Variants in FCGR2A observed in about 807,000 individuals in gnomAD.
FCGR2A encodes the protein Fc gamma receptor IIa, also known as low affinity immunoglobulin gamma Fc region receptor II-a.
Under a neutral mutation model 29.3 loss-of-function variants are expected in FCGR2A, and 18 were observed. The ratio of observed to expected loss-of-function variants is 0.62; its 90% CI spans 0.43 to 0.91. The LOEUF (loss-of-function observed/expected upper bound fraction) is 0.91. Ranked by LOEUF, FCGR2A falls within the 40% of genes least tolerant of loss-of-function variation. The pLI, the probability that FCGR2A is intolerant of heterozygous loss-of-function variation, is 0.00. For missense variants in FCGR2A, 287 were observed against 393.0 expected (o/e 0.73, Z 2.28); for synonymous variants, 126 against 144.8 (o/e 0.87, Z 0.93).
downstream of FCGR2A, chr1:161,523,863 C>T (rs538197518): frequency 2.0e-5 from 3 of 152,014 alleles, no homozygotes; most frequent in Admixed American, 6.6e-5. Flanking sequence ...GGCCGGGAAT[C>T]GAACCCGGGC....
At chr1:161,522,209 TAAAA>T (rs892456392), downstream of FCGR2A, among the ~76,000 whole-genome samples, 1 of 151,398 alleles carries the variant, frequency 6.6e-6, no homozygotes, top group African/African-American at 2.4e-5. Flanking sequence ...AAAAATAAAA[TAAAA>T]AGAAACAAAC....
intron 3 of FCGR2A, among the ~76,000 whole-genome samples, chr1:161,509,368 G>A (rs1675614860): frequency 6.7e-6 from 1 of 150,268 alleles, no homozygotes; most frequent in Admixed American, 6.6e-5. Flanking sequence ...ACCAGCAACA[G>A]CATGTGGAAA....
Position 161,506,485 on chromosome 1 carries a change from G to A in FCGR2A, c.258G>A (p.Thr86=), listed in dbSNP as rs766845808. The change falls in exon 3 of 7, where the codon ACG becomes ACA. Residue 86 remains threonine (T), a synonymous_variant. Coordinates refer to ENST00000271450, the MANE Select transcript of FCGR2A (RefSeq NM_001136219.3). Reference sequence around the variant, plus strand: ...ATGGGAATCTCATTCCCACCCACACGCAGCCCAGCTACAGGTTCAAGGCCA... The same window carrying A: ...ATGGGAATCTCATTCCCACCCACACACAGCCCAGCTACAGGTTCAAGGCCA... The part of the protein sequence containing the change: ...FHNGNLIPTH[T]QPSYRFKANN... The A allele has an allele frequency of 5.6e-6, 9 of 1,614,144 alleles. No individual in the cohort carries two copies. In the Admixed American group the frequency reaches 6.7e-5, roughly 12 times the overall value.
chr1:161,509,701 C>T, intron 3 of FCGR2A, 119 bp from the exon 4 acceptor site: 1 of 1,298,388 alleles, frequency 7.7e-7, no homozygotes, highest in Non-Finnish European at 1.1e-6. Flanking sequence ...TGTCATGAAG[C>T]ATCTTCATTT....
At chr1:161,511,128 G>T (rs1238811380) in intron 5 of FCGR2A, among the ~76,000 whole-genome samples, 172 bp downstream of exon 5, 5 of 152,212 alleles carry the variant, frequency 3.3e-5, no homozygotes, top group African/African-American at 1.2e-4. Context: ...ACTAATAGGA[G>T]TCACCTCACA....
chr1:161,508,241 G>C (rs1490210269), intron 3 of FCGR2A, among the ~76,000 whole-genome samples: 1 of 151,880 alleles, frequency 6.6e-6, no homozygotes, highest in Non-Finnish European at 1.5e-5. Flanking sequence ...CCTGACTTTA[G>C]TTTCTGTTTT....
At position 161,505,571 on chromosome 1, in the gene FCGR2A, G is replaced by C; in HGVS notation, c.85+19G>C. 2 of 1,599,520 alleles carry C rather than the reference G, an allele frequency of 1.3e-6. No individual in the cohort carries two copies. Among genetic ancestry groups the C allele is most frequent in the Non-Finnish European group, 1.7e-6 (2 of 1,166,756 alleles). On this transcript the variant is annotated intron_variant, in intron 1 of 6. Coordinates refer to ENST00000271450, the MANE Select transcript of FCGR2A (RefSeq NM_001136219.3). ...CTGCTGGGTGAGTGAGGGTCATTCTGAAATGGGGCAATTTCAGACACTCCT... is the reference window on the plus strand; with the variant it reads ...CTGCTGGGTGAGTGAGGGTCATTCTCAAATGGGGCAATTTCAGACACTCCT...
chr1:161,523,989 G>C (rs770889809), downstream of FCGR2A: 4 of 155,222 alleles, frequency 2.6e-5, no homozygotes, highest in African/African-American at 9.7e-5. Context: ...AAGGAACCAG[G>C]CACCGTCTTA....
downstream of FCGR2A, among the ~76,000 whole-genome samples, chr1:161,522,641 A>G (rs1676499563): frequency 6.6e-6 from 1 of 152,100 alleles, no homozygotes; most frequent in African/African-American, 2.4e-5. Flanking sequence ...AGACCCTGAG[A>G]GTGAGTGAAT....
chr1:161,523,826 T>C (rs961925059), downstream of FCGR2A: 8 of 149,880 alleles, frequency 5.3e-5, no homozygotes, highest in African/African-American at 1.7e-4. Flanking sequence ...AGAATTGAAA[T>C]GGATCGGAAA....
In FCGR2A at chr1:161,519,559, A is replaced by G. The variant is rs1204192014; in HGVS notation, c.*1411A>G. 1.3e-5 allele frequency: 2 copies of G among 152,116 alleles called. No homozygotes were observed. Among genetic ancestry groups the G allele is most frequent in the Admixed American group, 6.6e-5 (1 of 15,252 alleles). 9.4% of individuals were successfully genotyped at this position (152,116 alleles called of 1,614,324 possible). ...TATATTACCTTTGTAATAAAACATTATAACCAAAACATTCTGTTTACCTTT... is the reference window on the plus strand; with the variant it reads ...TATATTACCTTTGTAATAAAACATTGTAACCAAAACATTCTGTTTACCTTT... On this transcript the variant is annotated 3_prime_UTR_variant, in exon 7 of 7. Transcript: ENST00000271450.
chr1:161,514,039 A>G, intron 6 of FCGR2A, 107 bp downstream of exon 6: 1 of 1,532,062 alleles, frequency 6.5e-7, no homozygotes, highest in Non-Finnish European at 9.0e-7. Flanking sequence ...ACTGGGCCTG[A>G]AAACTCCTGA....
At chr1:161,522,587 C>T (rs1416763893), downstream of FCGR2A, among the ~76,000 whole-genome samples, 1 of 152,058 alleles carries the variant, frequency 6.6e-6, no homozygotes, top group African/African-American at 2.4e-5. Context: ...TCTTGCAGGC[C>T]GTTGGCAAAT....
chr1:161,510,277 G>A, intron 4 of FCGR2A: 3 of 896,896 alleles, frequency 3.3e-6, no homozygotes, highest in Non-Finnish European at 5.1e-6. Flanking sequence ...CCAGGTAATA[G>A]GTAGTCAGGC....
rs1571958489 is a variant in FCGR2A at position 161,506,570 on chromosome 1, G to A, written c.343G>A (p.Val115Met). The stretch of plus-strand genomic sequence containing the variant: ...TGGCCAGACCAGCCTCAGCGACCCT[G>A]TGCATCTGACTGTGCTTTCCGGTCA... ...QTGQTSLSDPVHLTVLSEWLV... is the reference protein window; with the variant it reads ...QTGQTSLSDPMHLTVLSEWLV... The change falls in exon 3 of 7, where the codon GTG (valine) becomes ATG (methionine). Residue 115 changes from valine (V) to methionine (M), a missense_variant. Transcript: ENST00000271450. 1 of 1,614,056 alleles carries A rather than the reference G, an allele frequency of 6.2e-7. No homozygotes were observed. Among genetic ancestry groups the A allele is most frequent in the Non-Finnish European group, 8.5e-7 (1 of 1,180,010 alleles).
chr1:161,506,638 A>C (rs1289785296), intron 3 of FCGR2A, 47 bp downstream of exon 3: 2 of 1,610,414 alleles, frequency 1.2e-6, no homozygotes, highest in African/African-American at 2.7e-5. Context: ...GCCAGGACGG[A>C]TGAAATCTGT....
chr1:161,513,984 G>A lies in FCGR2A; in HGVS notation c.780+52G>A, dbSNP rs778561376. 2.5e-6 allele frequency: 4 copies of A among 1,613,328 alleles called. No individual in the cohort carries two copies. In the South Asian group the frequency reaches 3.3e-5, roughly 13 times the overall value. ...CCTCCTGCCTTGTCCCTTCTCTCCT[G>A]TTTCCTCTCATTTTTGCCTTTGTTA... On this transcript the variant is annotated intron_variant, in intron 6 of 6. Coordinates refer to ENST00000271450, the MANE Select transcript of FCGR2A (RefSeq NM_001136219.3).
intron 3 of FCGR2A, among the ~76,000 whole-genome samples, chr1:161,507,822 C>T (rs1275766166): frequency 1.3e-5 from 2 of 152,156 alleles, no homozygotes; most frequent in Non-Finnish European, 2.9e-5. Context: ...TGTGGTGGCT[C>T]ATGCCTGTAA....
At chr1:161,509,695 A>G in intron 3 of FCGR2A, 125 bp from the exon 4 acceptor site, 1 of 1,277,418 alleles carries the variant, frequency 7.8e-7, no homozygotes, top group Non-Finnish European at 1.1e-6. Context: ...CACATCTGTC[A>G]TGAAGCATCT....
Sources: gnomAD v4.1 joint callset for allele counts (sites outside exome capture counted in the v4.1 genomes callset) on GRCh38, gnomAD v4.1.1 for gene constraint, MANE v1.5 for transcripts, NCBI Gene and HGNC (gene_info 2026-07-23, HGNC 2026-07-21) for gene names.